TRIO: variants seen among roughly 807,000 people sequenced by gnomAD.
TRIO encodes the protein trio Rho guanine nucleotide exchange factor.
In TRIO, 58 loss-of-function variants were observed where a neutral mutation model predicts 351.9. The observed-to-expected ratio is 0.16, with a 90% CI of 0.13 to 0.21. The LOEUF is 0.21. Among genes scored for constraint, TRIO ranks in the 10% least tolerant of loss-of-function variants. TRIO has a pLI of 1.00. For synonymous variants in TRIO, 1,758 were observed against 1,595.7 expected (o/e 1.10, Z -2.42); for missense variants, 3,201 against 4,027.8 (o/e 0.79, Z 5.56).
chr5:14,330,240 C>G (rs537877280), intron 9 of TRIO, among the ~76,000 whole-genome samples: 86 of 152,124 alleles, frequency 5.7e-4, no homozygotes, highest in Non-Finnish European at 1.1e-3. Context: ...TTTGCAGCAT[C>G]TTAGTTTAAA....
chr5:14,193,294 AG>A (rs1790560717), intron 1 of TRIO, among the ~76,000 whole-genome samples: 1 of 150,160 alleles, frequency 6.7e-6, no homozygotes, highest in South Asian at 2.1e-4. Flanking sequence ...TTTTTGTTTT[AG>A]GAAAAACGTA....
At chr5:14,301,428 C>A (rs1333713850) in intron 7 of TRIO, among the ~76,000 whole-genome samples, 2 of 152,034 alleles carry the variant, frequency 1.3e-5, no homozygotes, top group African/African-American at 4.8e-5. Context: ...CTAGGGAGCA[C>A]TTAAAGCATC....
intron 7 of TRIO, among the ~76,000 whole-genome samples, chr5:14,302,574 A>G (rs1287466600): frequency 6.6e-6 from 1 of 152,224 alleles, no homozygotes; most frequent in African/African-American, 2.4e-5. Context: ...ATGCCGTATG[A>G]ACTGGCTTCA....
intron 55 of TRIO, 54 bp downstream of exon 55, chr5:14,504,647 G>T: frequency 6.3e-7 from 1 of 1,581,518 alleles, no homozygotes; most frequent in Non-Finnish European, 8.6e-7. Flanking sequence ...CACCTCAGGG[G>T]GTTTTGTTGT....
chr5:14,380,209 T>C (rs1409399408), intron 20 of TRIO, among the ~76,000 whole-genome samples: 1 of 152,222 alleles, frequency 6.6e-6, no homozygotes, highest in Non-Finnish European at 1.5e-5. Flanking sequence ...GTCCCTCTTG[T>C]CTTACGTGTT....
intron 1 of TRIO, among the ~76,000 whole-genome samples, chr5:14,232,555 CAT>C (rs1422421553): frequency 2.6e-5 from 4 of 152,216 alleles, no homozygotes; most frequent in Non-Finnish European, 5.9e-5. Context: ...CATTGCTGCA[CAT>C]GACACCTGGT....
intron 31 of TRIO, among the ~76,000 whole-genome samples, chr5:14,403,524 TGCAG>T (rs1748370603): frequency 2.2e-5 from 2 of 90,098 alleles, no homozygotes; most frequent in African/African-American, 4.9e-5. Flanking sequence ...GTGGTGAGGG[TGCAG>T]GTTGTGGTGA....
chr5:14,281,424 A>ACCCCCCCCCCCCCCCCCCC (rs3061076), intron 3 of TRIO, among the ~76,000 whole-genome samples: 3 of 89,336 alleles, frequency 3.4e-5, no homozygotes, highest in African/African-American at 4.7e-5. Context: ...AGCCGTTAGA[A>ACCCCCCCCCCCCCCCCCCC]CCCCCCCCCC....
chr5:14,422,250 G>C (rs898184503), intron 34 of TRIO, among the ~76,000 whole-genome samples: 1 of 152,136 alleles, frequency 6.6e-6, no homozygotes, highest in Non-Finnish European at 1.5e-5. Context: ...ACTCAGGGAC[G>C]GTATGGAACT....
chr5:14,201,607 A>G (rs983553316), intron 1 of TRIO, among the ~76,000 whole-genome samples: 1 of 152,182 alleles, frequency 6.6e-6, no homozygotes, highest in Non-Finnish European at 1.5e-5. Flanking sequence ...GCTGTGTTCT[A>G]AGATGATCCT....
chr5:14,376,238 T>G (rs1285490849), intron 19 of TRIO, among the ~76,000 whole-genome samples: 1 of 152,246 alleles, frequency 6.6e-6, no homozygotes, highest in Non-Finnish European at 1.5e-5. Context: ...TGTAATAAAG[T>G]TACCGGGAAC....
intron 1 of TRIO, among the ~76,000 whole-genome samples, chr5:14,207,393 C>CT (rs1791579012): frequency 2.5e-3 from 14 of 5,550 alleles, no homozygotes; most frequent in East Asian, 0.02. Context: ...ACTGTCTACA[C>CT]ACACACACAC....
chr5:14,232,604 TG>T (rs1171052116), intron 1 of TRIO, among the ~76,000 whole-genome samples: 1 of 152,206 alleles, frequency 6.6e-6, no homozygotes, highest in African/African-American at 2.4e-5. Context: ...AATGAATGGA[TG>T]TTCATACTTT....
intron 3 of TRIO, among the ~76,000 whole-genome samples, chr5:14,283,022 G>T (rs1736136709): frequency 6.6e-6 from 1 of 152,154 alleles, no homozygotes; most frequent in African/African-American, 2.4e-5. Context: ...GGTCCTGCAG[G>T]TGCTACCCCT....
chr5:14,468,973 A>G (rs1754479774), intron 37 of TRIO, among the ~76,000 whole-genome samples: 1 of 152,214 alleles, frequency 6.6e-6, no homozygotes, highest in South Asian at 2.1e-4. Flanking sequence ...TGGTTATTTT[A>G]AAGGCTGTGC....
intron 49 of TRIO, among the ~76,000 whole-genome samples, chr5:14,493,760 A>G (rs1487300803): frequency 1.3e-5 from 2 of 152,244 alleles, no homozygotes; most frequent in Non-Finnish European, 2.9e-5. Flanking sequence ...GCCGAAAGCT[A>G]AGCGCCTCTC....
intron 34 of TRIO, among the ~76,000 whole-genome samples, chr5:14,435,566 C>T (rs1184231415): frequency 2.0e-5 from 3 of 152,246 alleles, no homozygotes; most frequent in African/African-American, 7.2e-5. Context: ...GTAGTTCTTG[C>T]CTACAACACT....
At chr5:14,362,557 C>A (rs1050605136) in intron 13 of TRIO, among the ~76,000 whole-genome samples, 1 of 152,192 alleles carries the variant, frequency 6.6e-6, no homozygotes, top group African/African-American at 2.4e-5. Context: ...GAACCAGATC[C>A]CACATTCAGT....
intron 11 of TRIO, among the ~76,000 whole-genome samples, chr5:14,356,154 A>T (rs755586740): frequency 9.9e-5 from 15 of 152,242 alleles, no homozygotes; most frequent in Non-Finnish European, 1.9e-4. Context: ...TTGGCCTGCT[A>T]TATTTTAAAT....
Sources: gnomAD v4.1 joint callset for allele counts (sites outside exome capture counted in the v4.1 genomes callset) on GRCh38, gnomAD v4.1.1 for gene constraint, MANE v1.5 for transcripts, NCBI Gene and HGNC (gene_info 2026-07-23, HGNC 2026-07-21) for gene names.